Variants in KDM2B observed in about 807,000 individuals in gnomAD.
KDM2B encodes the protein lysine demethylase 2B.
A neutral mutation model predicts 150.0 loss-of-function variants in KDM2B; 26 were observed. The observed-to-expected ratio is 0.17, with a 90% confidence interval of 0.13 to 0.24. KDM2B has a LOEUF of 0.24. Among genes scored for constraint, KDM2B ranks in the 10% least tolerant of loss-of-function variants. The probability of loss-of-function intolerance (pLI) is 1.00; values close to 1 mark genes in which losing one functional copy is unlikely to be tolerated. For missense variants in KDM2B, 1,265 were observed against 1,816.9 expected, an observed-to-expected ratio of 0.70 and a Z score of 5.52; for synonymous variants, 734 against 729.5, an observed-to-expected ratio of 1.01 and a Z score of -0.10.
intron 12 of KDM2B, among the ~76,000 whole-genome samples, chr12:121,466,875 C>A (rs1169399304): frequency 6.8e-6 from 1 of 145,996 alleles, no homozygotes; most frequent in Non-Finnish European, 1.5e-5. Context: ...CCGGCAGGCC[C>A]GCCCGACGGC....
At chr12:121,478,866 T>TTGTTTG (rs61509046) in intron 12 of KDM2B, among the ~76,000 whole-genome samples, 4 of 131,130 alleles carry the variant, frequency 3.1e-5, no homozygotes, top group African/African-American at 8.6e-5. Context: ...TTTTGTTTGT[T>TTGTTTG]TGTGTGTGTG....
chr12:121,516,558 G>A, intron 9 of KDM2B: 1 of 1,445,626 alleles, frequency 6.9e-7, no homozygotes. Flanking sequence ...AACATTATTT[G>A]TTGACAGACT....
In KDM2B at chr12:121,444,292, G is replaced by C; in HGVS notation, c.2191-20C>G. On this transcript the variant is annotated intron_variant, in intron 15 of 22. Transcript: ENST00000377071. ...CTTTTGCTTGTAGGCCAAAAAGAGA[G>C]AATGAACAGACCAACTGTATACCTT... is the stretch of plus-strand genomic sequence containing the variant. 1.9e-6 allele frequency: 3 copies of C among 1,613,234 alleles called. No individual in the cohort carries two copies. The highest frequency in any genetic ancestry group is 2.5e-6 in the Non-Finnish European group (3 of 1,179,594).
intron 12 of KDM2B, among the ~76,000 whole-genome samples, chr12:121,487,436 C>T (rs1053681301): frequency 2.6e-5 from 4 of 152,158 alleles, no homozygotes; most frequent in Non-Finnish European, 4.4e-5. Flanking sequence ...TGGTTCCCCT[C>T]ACCAACCCTC....
At chr12:121,414,168 T>A in the KDM2B span, among the ~76,000 whole-genome samples, 1,115 of 152,364 alleles carry the variant, frequency 7.3e-3, 41 homozygotes, top group Admixed American at 0.057. Flanking sequence ...CATGCTATTA[T>A]AAAATGTTTG....
downstream of KDM2B, among the ~76,000 whole-genome samples, chr12:121,427,475 G>A (rs528071196): frequency 3.3e-5 from 5 of 152,342 alleles, no homozygotes; most frequent in Middle Eastern, 3.4e-3. Context: ...CTGGGAGGCA[G>A]AGGTTGCAGT....
chr12:121,542,051 T>C (rs1888652195), intron 6 of KDM2B, among the ~76,000 whole-genome samples: 1 of 152,194 alleles, frequency 6.6e-6, no homozygotes, highest in African/African-American at 2.4e-5. Flanking sequence ...GATTTACTTT[T>C]AATTAACAGA....
At chr12:121,576,242 C>A (rs1272131232) in intron 2 of KDM2B, among the ~76,000 whole-genome samples, 2 of 152,066 alleles carry the variant, frequency 1.3e-5, no homozygotes, top group African/African-American at 4.8e-5. Flanking sequence ...AAGCCGCGCT[C>A]GGAAAGTAAA....
In KDM2B at chr12:121,453,275, T is replaced by G. The variant is rs782534300; in HGVS notation, c.1804A>C (p.Thr602Pro). The change falls in exon 13 of 23, where the codon ACA (threonine) becomes CCA (proline). Residue 602 changes from threonine (T) to proline (P), a missense_variant. Coordinates refer to ENST00000377071, the MANE Select transcript of KDM2B (RefSeq NM_032590.5). The surrounding 1 kb of genome is among the most constrained non-coding windows in gnomAD (Gnocchi z 6.4). ...CGGCGCCGCCGAGCTCCTGCCGTTG[T>G]CCGGTTGGCGGCCAACTTCACCGCG... ...ASAVKLAANR[T>P]TAGARRRRTR... 2 of 1,607,562 alleles carry G rather than the reference T, an allele frequency of 1.2e-6. No homozygotes were observed. The highest frequency in any genetic ancestry group is 1.7e-6 in the Non-Finnish European group (2 of 1,177,270).
At chr12:121,433,293 C>G in intron 22 of KDM2B, 1 of 428,464 alleles carries the variant, frequency 2.3e-6, no homozygotes, top group Non-Finnish European at 4.7e-6. Flanking sequence ...GGCAGGCTGA[C>G]AGATGTTTCC....
At chr12:121,527,608 C>T (rs1164207597) in intron 8 of KDM2B, among the ~76,000 whole-genome samples, 15 of 139,916 alleles carry the variant, frequency 1.1e-4, no homozygotes, top group Non-Finnish European at 1.8e-4. Context: ...GAGCTGAGAT[C>T]GCGCCACTGC....
chr12:121,516,625 T>TCACAAGGC (rs1555305046), intron 9 of KDM2B: 1 of 921,144 alleles, frequency 1.1e-6, no homozygotes, highest in African/African-American at 1.7e-5. Flanking sequence ...GGCAAGGCAG[T>TCACAAGGC]CACAAGGCAT....
chr12:121,412,740 T>C, the KDM2B span, among the ~76,000 whole-genome samples: 18 of 150,664 alleles, frequency 1.2e-4, no homozygotes, highest in Middle Eastern at 3.4e-3. Flanking sequence ...TTTTTTTTTT[T>C]TTGAGATGGA....
chr12:121,558,448 T>A (rs1420789148), intron 4 of KDM2B, among the ~76,000 whole-genome samples: 1 of 126,130 alleles, frequency 7.9e-6, no homozygotes, highest in Non-Finnish European at 1.6e-5. Context: ...TGTTTCCTTT[T>A]CTTTTTCTTT....
chr12:121,578,185 C>G (rs782142055), intron 2 of KDM2B, among the ~76,000 whole-genome samples: 1 of 152,180 alleles, frequency 6.6e-6, no homozygotes, highest in East Asian at 1.9e-4. Context: ...TAGACAGCTC[C>G]GGCCCAGGTA....
At position 121,444,068 on chromosome 12, in the gene KDM2B, G is replaced by A. The variant is rs1875690949; in HGVS notation, c.2395C>T (p.His799Tyr). The A allele has an allele frequency of 6.2e-7, 1 of 1,613,916 alleles. No individual in the cohort carries two copies. Among genetic ancestry groups the A allele is most frequent in the South Asian group, 1.1e-5 (1 of 91,076 alleles). Residue 799 changes from histidine (H) to tyrosine (Y), a missense_variant, in exon 16 of 23, where the codon CAC (histidine) becomes TAC (tyrosine). Around this residue, in one of 11 missense-constraint regions of KDM2B, gnomAD observed 418 missense variants for 402.4 expected, o/e 1.04. Coordinates refer to ENST00000377071, the MANE Select transcript of KDM2B (RefSeq NM_032590.5). ...TCGTATTTCCGCTTCTTCCTCAGGT[G>A]CACGTCGTCAGACTTTCTGCGCAGA... ...GLLRRKSDDV[H>Y]LRKKRKYEKP...
At chr12:121,454,575 A>T (rs1244315467) in intron 12 of KDM2B, among the ~76,000 whole-genome samples, 2 of 152,104 alleles carry the variant, frequency 1.3e-5, no homozygotes, top group Non-Finnish European at 2.9e-5. Context: ...CTGTAGTGGG[A>T]GGGACCAGGA....
chr12:121,443,254 C>A (rs1380506929), intron 17 of KDM2B: 7 of 597,756 alleles, frequency 1.2e-5, no homozygotes, highest in African/African-American at 1.1e-4. Context: ...TGTTCCCACC[C>A]AACTGACCTC....
intron 9 of KDM2B, chr12:121,516,785 C>T: frequency 1.5e-6 from 1 of 664,272 alleles, no homozygotes; most frequent in African/African-American, 1.9e-5. Context: ...TCGAGTGTAT[C>T]TAGAACTCCC....
Sources: allele counts gnomAD v4.1 joint callset (sites outside exome capture counted in the v4.1 genomes callset), GRCh38; gene constraint gnomAD v4.1.1; regional missense constraint gnomAD v4.1.1; non-coding constraint Gnocchi (gnomAD v3.1); transcripts MANE v1.5; gene names NCBI Gene and HGNC (gene_info 2026-07-23, HGNC 2026-07-21).